Variants in CLIP4 observed in about 807,000 individuals in gnomAD.
The protein encoded by CLIP4 is CAP-Gly domain containing linker protein family member 4.
In CLIP4, 47 loss-of-function variants were observed where a neutral mutation model predicts 73.1. The ratio of observed to expected loss-of-function variants is 0.64; its 90% CI spans 0.51 to 0.82. The LOEUF is 0.82. Among genes scored for constraint, CLIP4 ranks in the 40% least tolerant of loss-of-function variants. CLIP4 has a pLI of 0.00. For missense variants in CLIP4, 874 were observed against 852.9 expected, an observed-to-expected ratio of 1.02 and a Z score of -0.31; for synonymous variants, 306 against 295.4, an observed-to-expected ratio of 1.04 and a Z score of -0.37.
intron 2 of CLIP4, among the ~76,000 whole-genome samples, chr2:29,129,296 TTTTG>T (rs1444090714): frequency 6.6e-6 from 1 of 152,146 alleles, no homozygotes; most frequent in African/African-American, 2.4e-5. Context: ...CCAACAATGT[TTTTG>T]TTTATTGAAA....
chr2:29,099,834 A>G (rs567610327), intron 1 of CLIP4, among the ~76,000 whole-genome samples: 32 of 152,206 alleles, frequency 2.1e-4, no homozygotes, highest in Non-Finnish European at 3.4e-4. Context: ...AACATGAAAT[A>G]TCTCTCCATT....
rs1666666253 is a variant in CLIP4, at chr2:29,152,803, T to A, written c.1140T>A (p.Ala380=). 3.1e-6 allele frequency: 5 copies of A among 1,613,646 alleles called. No individual in the cohort carries two copies. Among genetic ancestry groups the A allele is most frequent in the Non-Finnish European group, 4.2e-6 (5 of 1,179,760 alleles). The change falls in exon 9 of 16, where the codon GCT becomes GCA. Residue 380 remains alanine, a synonymous_variant. Coordinates refer to ENST00000320081, the MANE Select transcript of CLIP4 (RefSeq NM_024692.6). ...TCAGGTCCCAGAAAATTGACGTAGC[T>A]CATGTGACGTCAAAAGTAAATACTG... ...PLIRSQKIDV[A]HVTSKVNTGL...
At chr2:29,103,882 T>G (rs933850286) in intron 1 of CLIP4, among the ~76,000 whole-genome samples, 44 of 150,974 alleles carry the variant, frequency 2.9e-4, no homozygotes, top group African/African-American at 1.0e-3. Context: ...CCCAGTTAAT[T>G]TTTTTTTTAT....
intron 12 of CLIP4, 89 bp from the exon 13 acceptor site, chr2:29,163,742 T>C: frequency 7.5e-7 from 1 of 1,338,092 alleles, no homozygotes; most frequent in South Asian, 1.8e-5. Flanking sequence ...TATGGAAATG[T>C]TAAAACACCT....
At chr2:29,124,436 ATTG>A (rs1434263883) in intron 2 of CLIP4, among the ~76,000 whole-genome samples, 2 of 151,794 alleles carry the variant, frequency 1.3e-5, no homozygotes, top group Middle Eastern at 3.4e-3. Flanking sequence ...GTGCTTAGGT[ATTG>A]TTTTCTGTAT....
intron 1 of CLIP4, among the ~76,000 whole-genome samples, chr2:29,098,242 C>T (rs1176319456): frequency 1.6e-4 from 24 of 152,156 alleles, no homozygotes; most frequent in Non-Finnish European, 4.4e-5. Flanking sequence ...ATAGATAATG[C>T]TACATTATTA....
intron 5 of CLIP4, among the ~76,000 whole-genome samples, chr2:29,134,773 G>T (rs1665230516): frequency 6.6e-6 from 1 of 152,084 alleles, no homozygotes; most frequent in Non-Finnish European, 1.5e-5. Flanking sequence ...CTGTATTTAA[G>T]TATAACATAT....
chr2:29,174,547 A>T, intron 15 of CLIP4, 102 bp downstream of exon 15: 1 of 1,495,050 alleles, frequency 6.7e-7, no homozygotes, highest in Non-Finnish European at 8.9e-7. Flanking sequence ...ATTGCTTGGT[A>T]GAGTTTTAAC....
In CLIP4 at chr2:29,157,213, T is replaced by C. The variant is rs375884675; in HGVS notation, c.1265T>C (p.Leu422Pro). The C allele has an allele frequency of 2.8e-5, 45 of 1,614,062 alleles. No individual in the cohort carries two copies. In the African/African-American group the frequency reaches 5.7e-4, roughly 21 times the overall value. ...KTVTEKDVAL[L>P]GSVSSCSSTS... ...TCTTTATCTGTTACAGTTGCCCTGC[T>C]TGGATCTGTCAGCAGCTGCTCCTCT... The change falls in exon 11 of 16, where the codon CTT (leucine) becomes CCT (proline). Residue 422 changes from leucine (L) to proline (P), a missense_variant. Transcript: ENST00000320081.
chr2:29,139,517 C>T (rs1665610111), intron 6 of CLIP4, among the ~76,000 whole-genome samples: 1 of 151,982 alleles, frequency 6.6e-6, no homozygotes, highest in South Asian at 2.1e-4. Context: ...GGGAGAAATC[C>T]CTCCTCCTTG....
chr2:29,152,594 A>T (rs1163198495), intron 8 of CLIP4, 91 bp from the exon 9 acceptor site: 3 of 1,362,392 alleles, frequency 2.2e-6, no homozygotes, highest in African/African-American at 1.5e-5. Flanking sequence ...AAAGGTTTAT[A>T]TTAAAGATTT....
At chr2:29,131,129 G>C in intron 2 of CLIP4, 129 bp from the exon 3 acceptor site, 2 of 930,464 alleles carry the variant, frequency 2.1e-6, no homozygotes, top group Non-Finnish European at 3.1e-6. Context: ...TCCTTATTTA[G>C]ATACTTCTGA....
At chr2:29,127,074 T>G (rs1190688648) in intron 2 of CLIP4, among the ~76,000 whole-genome samples, 2 of 152,120 alleles carry the variant, frequency 1.3e-5, no homozygotes, top group East Asian at 3.8e-4. Context: ...AAAATAAGTT[T>G]TGTCTCATTA....
intron 8 of CLIP4, among the ~76,000 whole-genome samples, chr2:29,148,367 A>T (rs1219851089): frequency 1.3e-5 from 2 of 152,192 alleles, no homozygotes; most frequent in East Asian, 3.8e-4. Flanking sequence ...ATGCTATGGT[A>T]TATTTCAGGC....
At position 29,181,671 on chromosome 2, in the gene CLIP4, G is replaced by T. The variant is rs774808736; in HGVS notation, c.1896G>T (p.Thr632=). The T allele has an allele frequency of 1.9e-6, 3 of 1,614,046 alleles. No homozygotes were observed. The highest frequency in any genetic ancestry group is 1.7e-6 in the Non-Finnish European group (2 of 1,180,018). ...ACGAGGGGTCTCAGGTCCTGCTCAC[G>T]AGCTCCAATGAGATGGGTACTGTTA... ...KLHEGSQVLL[T]SSNEMGTVRY... The change falls in exon 16 of 16, where the codon ACG becomes ACT. Residue 632 remains threonine (T), a synonymous_variant. Transcript: ENST00000320081.
intron 13 of CLIP4, among the ~76,000 whole-genome samples, chr2:29,164,462 T>A (rs777390043): frequency 1.3e-5 from 2 of 152,216 alleles, no homozygotes; most frequent in Non-Finnish European, 2.9e-5. Context: ...ATATATCTCC[T>A]TGGTGTTTCT....
rs1471441877 is a variant in CLIP4 at position 29,101,288 on chromosome 2, C to CCA, written c.-16+3342_-16+3343insAC. ...CTGGGCAACAGGCTTTTTTTTTTTC[C>CCA]CCCCCCCAAAACAAAAAAAAAAAGA... is the stretch of plus-strand genomic sequence containing the variant. On this transcript the variant is annotated intron_variant, in intron 1 of 14. Coordinates refer to the CLIP4 transcript ENST00000401605. Among the ~76,000 whole-genome samples, 835 of 142,740 alleles carry CCA rather than the reference C, an allele frequency of 5.8e-3. 13 individuals carry two copies. Among genetic ancestry groups the CCA allele is most frequent in the African/African-American group, 0.022 (809 of 36,088 alleles). The allele number at this position is 142,740 out of a possible 152,430, so 93.6% of individuals were successfully genotyped here.
At chr2:29,137,559 A>G (rs1477785554) in intron 6 of CLIP4, among the ~76,000 whole-genome samples, 1 of 152,172 alleles carries the variant, frequency 6.6e-6, no homozygotes, top group African/African-American at 2.4e-5. Context: ...GCTAGGTCAA[A>G]TGGTAATTCT....
At chr2:29,117,716 A>T (rs562276927) in intron 1 of CLIP4, among the ~76,000 whole-genome samples, 40 of 152,330 alleles carry the variant, frequency 2.6e-4, no homozygotes, top group African/African-American at 4.8e-4. Context: ...GTCTCCAGGA[A>T]GCCTTCGTTG....
Sources: allele counts gnomAD v4.1 joint callset (sites outside exome capture counted in the v4.1 genomes callset), GRCh38; gene constraint gnomAD v4.1.1; transcripts MANE v1.5; gene names NCBI Gene and HGNC (gene_info 2026-07-23, HGNC 2026-07-21).